Variants in KDM5C observed in about 807,000 individuals in gnomAD.
KDM5C encodes the protein lysine-specific demethylase 5C.
In KDM5C, 16 loss-of-function variants were observed where a neutral mutation model predicts 110.6. That is an observed-to-expected ratio of 0.14 (90% CI 0.10 to 0.22). KDM5C has a LOEUF of 0.22. KDM5C is among the 10% of genes least tolerant of loss of function. The pLI, the probability that KDM5C is intolerant of heterozygous loss-of-function variation, is 1.00. For synonymous variants in KDM5C, 511 were observed against 520.4 expected (o/e 0.98, Z 0.24); for missense variants, 681 against 1,300.9 (o/e 0.52, Z 7.33).
intron 9 of KDM5C, 25 bp downstream of exon 9, chrX:53,211,762 A>G: frequency 8.3e-7 from 1 of 1,210,942 alleles, no homozygotes. Context: ...CTAGCCCAAC[A>G]CTACCTCAGC....
At chrX:53,184,933 G>A (rs1044576078) in intron 25 of KDM5C, among the ~76,000 whole-genome samples, 1 of 111,903 alleles carries the variant, frequency 8.9e-6, no homozygotes, top group Non-Finnish European at 1.9e-5. Flanking sequence ...CTCAATAGTA[G>A]CTTGTGTTAA....
intron 14 of KDM5C, among the ~76,000 whole-genome samples, chrX:53,200,649 G>A (rs1209007317): frequency 8.9e-6 from 1 of 111,862 alleles, no homozygotes; most frequent in Admixed American, 9.5e-5. Context: ...CACACTCACA[G>A]GAAAGCTATA....
In KDM5C at chrX:53,196,873, C is replaced by T; in HGVS notation, c.2794G>A (p.Asp932Asn). The T allele has an allele frequency of 1.7e-6, 2 of 1,202,855 alleles. No individual in the cohort carries two copies. The highest frequency in any genetic ancestry group is 2.2e-6 in the Non-Finnish European group (2 of 890,777). The change falls in exon 19 of 26, where the codon GAT becomes AAT. Residue 932 changes from aspartate to asparagine, a missense_variant. By Grantham distance (23) the Asp-to-Asn change is conservative. This residue lies in a region of KDM5C where 123 missense variants were observed against 169.0 expected (regional missense o/e 0.73). Transcript: ENST00000375401. ...QRQVEQARWL[D>N]EVKRTLAPSA... Reference sequence around the variant, plus strand: ...GGGGCCAGTGTGCGTTTCACCTCATCCAGCCATCGCGCCTGTTCCACCTGC... The same window carrying T: ...GGGGCCAGTGTGCGTTTCACCTCATTCAGCCATCGCGCCTGTTCCACCTGC...
rs782628646 is a variant in KDM5C, at chrX:53,194,455, T to C, written c.3722A>G (p.Lys1241Arg). ...PLLAWWEWDT[K>R]FLCPLCMRSR... The stretch of plus-strand genomic sequence containing the variant: ...GCGCATACACAGTGGACACAGGAAT[T>C]TGGTGTCCCATTCCCACCAGGCCAG... Residue 1241 changes from lysine (K) to arginine (R), a missense_variant, in exon 23 of 26, where the codon AAA (lysine) becomes AGA (arginine). Around this residue, in one of 14 missense-constraint regions of KDM5C, gnomAD observed 48 missense variants for 59.7 expected, o/e 0.80. Transcript: ENST00000375401. 7.4e-6 allele frequency: 9 copies of C among 1,210,404 alleles called. No homozygotes were observed. The highest frequency in any genetic ancestry group is 8.9e-6 in the Non-Finnish European group (8 of 894,588).
At chrX:53,195,511 T>C in intron 20 of KDM5C, 101 bp from the exon 21 acceptor site, 1 of 823,016 alleles carries the variant, frequency 1.2e-6, no homozygotes, top group Non-Finnish European at 1.8e-6. Flanking sequence ...GGGCTCAGTC[T>C]TGAGGGATTA....
intron 1 of KDM5C, 48 bp from the exon 2 acceptor site, chrX:53,220,964 G>T (rs1556854426): frequency 1.8e-5 from 19 of 1,081,466 alleles, no homozygotes; most frequent in Non-Finnish European, 2.2e-5. Context: ...TCAGCATAGT[G>T]TAAGACCGGA....
At chrX:53,199,571 T>A (rs1556840544) in intron 14 of KDM5C, among the ~76,000 whole-genome samples, 1 of 111,786 alleles carries the variant, frequency 8.9e-6, no homozygotes. Context: ...GAGCCCACTG[T>A]GTTCCAGGCA....
At chrX:53,199,245 A>G (rs1480118807) in intron 14 of KDM5C, 87 bp from the exon 15 acceptor site, 48 of 955,682 alleles carry the variant, frequency 5.0e-5, no homozygotes, top group Non-Finnish European at 7.0e-5. Flanking sequence ...CCTACTTTAG[A>G]TTCAAATCTA....
rs782243640 is a variant in KDM5C at position 53,194,530 on chromosome X, A to G, written c.3647T>C (p.Val1216Ala). 8.3e-7 allele frequency: 1 copy of G among 1,211,547 alleles called. No individual in the cohort carries two copies. The highest frequency in any genetic ancestry group is 3.0e-5 in the East Asian group (1 of 33,806). ...QDWFHGRCVSVPRLLSSPRPN... is the reference protein window; with the variant it reads ...QDWFHGRCVSAPRLLSSPRPN... ...CCTCGGAGAGCTGAGGAGGCGAGGC[A>G]CTGACACACACCGCCCATGGAACCA... The change falls in exon 23 of 26, where the codon GTG becomes GCG. Residue 1216 changes from valine to alanine, a missense_variant. Physicochemically the swap from Val to Ala is moderately conservative, Grantham distance 64. Transcript: ENST00000375401.
Position 53,210,781 on chromosome X carries a change from T to G in KDM5C, c.1478A>C (p.Asp493Ala). 2 of 1,210,908 alleles carry G rather than the reference T, an allele frequency of 1.7e-6. No homozygotes were observed. The highest frequency in any genetic ancestry group is 2.2e-6 in the Non-Finnish European group (2 of 894,741). ...EQSVLCHINA[D>A]ISGMKVPWLY... ...CCAGGGCACCTTCATGCCAGAGATA[T>G]CTGCATTGATGTGGCACAGTACAGA... The change falls in exon 11 of 26, where the codon GAT becomes GCT. Residue 493 changes from aspartate (D) to alanine (A), a missense_variant. By Grantham distance (126) the Asp-to-Ala change is moderately radical. Coordinates refer to ENST00000375401, the MANE Select transcript of KDM5C (RefSeq NM_004187.5).
chrX:53,216,794 C>T (rs782492940), intron 5 of KDM5C, among the ~76,000 whole-genome samples: 2 of 111,641 alleles, frequency 1.8e-5, no homozygotes, highest in African/African-American at 3.3e-5. Flanking sequence ...CCAGTCTGGG[C>T]GACATAGCAA....
downstream of KDM5C, among the ~76,000 whole-genome samples, chrX:53,187,406 T>C (rs1934249972): frequency 2.7e-5 from 3 of 112,335 alleles, no homozygotes; most frequent in Admixed American, 1.9e-4. Context: ...GGGCAGAGCC[T>C]TAGAATATTA....
rs17002644 is a variant in KDM5C at position 53,192,476 on chromosome X, G to T, written c.*491C>A. On this transcript the variant is annotated 3_prime_UTR_variant, in exon 26 of 26. Coordinates refer to ENST00000375401, the MANE Select transcript of KDM5C (RefSeq NM_004187.5). ...AAAACTGTGAGCACGGCTATGTGAA[G>T]TTTCCTCCTCCTGGGTGGAACAGTC... The T allele has an allele frequency of 1.4e-5, 4 of 278,694 alleles. No individual in the cohort carries two copies. Among genetic ancestry groups the T allele is most frequent in the Non-Finnish European group, 2.5e-5 (4 of 157,047 alleles). 23.0% of individuals were successfully genotyped at this position (278,694 alleles called of 1,213,427 possible). A position where few individuals can be genotyped will look rare whatever the true frequency, so the allele number is the denominator to read the frequency against.
At chrX:53,185,915 A>C (rs1934203913) in intron 25 of KDM5C, among the ~76,000 whole-genome samples, 2 of 111,935 alleles carry the variant, frequency 1.8e-5, no homozygotes, top group Non-Finnish European at 3.8e-5. Flanking sequence ...CATCTGAAGA[A>C]GGACCTTGCT....
intron 12 of KDM5C, among the ~76,000 whole-genome samples, chrX:53,205,202 G>A (rs977922373): frequency 7.2e-5 from 8 of 111,838 alleles, no homozygotes; most frequent in Admixed American, 2.8e-4. Context: ...GTGCCGGTAA[G>A]GGAATAAATA....
chrX:53,198,468 C>T, intron 17 of KDM5C, 22 bp downstream of exon 17: 1 of 1,194,090 alleles, frequency 8.4e-7, no homozygotes, highest in Non-Finnish European at 1.1e-6. Flanking sequence ...TATGTGTGCC[C>T]TAACTCCTCA....
intron 5 of KDM5C, 104 bp downstream of exon 5, chrX:53,217,039 A>G (rs2073762952): frequency 1.0e-6 from 1 of 981,002 alleles, no homozygotes; most frequent in Non-Finnish European, 1.4e-6. Context: ...GAACTCAGAG[A>G]ACAAAAGAAG....
intron 25 of KDM5C, among the ~76,000 whole-genome samples, chrX:53,185,769 T>C (rs1266629060): frequency 8.0e-5 from 9 of 111,828 alleles, no homozygotes; most frequent in Admixed American, 6.6e-4. Context: ...GGTAGCCTGA[T>C]AAAGTCCTAG....
chrX:53,217,337 T>C lies in KDM5C; in HGVS notation c.523-60A>G. On this transcript the variant is annotated intron_variant, in intron 4 of 25. Coordinates refer to ENST00000375401, the MANE Select transcript of KDM5C (RefSeq NM_004187.5). The stretch of plus-strand genomic sequence containing the variant: ...GACTCCAGCCCGCAAAAGCAATAAC[T>C]TCCCTCTACCCTCACCCAATGGCAT... 3 of 1,176,403 alleles carry C rather than the reference T, an allele frequency of 2.6e-6. No homozygotes were observed. The Admixed American group carries it at 6.7e-5, about 26-fold the overall frequency.
Sources: allele counts gnomAD v4.1 joint callset (sites outside exome capture counted in the v4.1 genomes callset), GRCh38; gene constraint gnomAD v4.1.1; regional missense constraint gnomAD v4.1.1; transcripts MANE v1.5; gene names NCBI Gene and HGNC (gene_info 2026-07-23, HGNC 2026-07-21).